SEMA3D: variants seen among roughly 807,000 people sequenced by gnomAD.
The protein encoded by SEMA3D is semaphorin 3D, also known as semaphorin-3D.
A neutral mutation model predicts 100.1 loss-of-function variants in SEMA3D; 84 were observed. The observed-to-expected ratio is 0.84, with a 90% confidence interval of 0.70 to 1.01. The LOEUF is 1.01. Among genes scored for constraint, SEMA3D ranks in the 50% least tolerant of loss-of-function variants. The pLI, the probability that SEMA3D is intolerant of heterozygous loss-of-function variation, is 0.00. For synonymous variants in SEMA3D, 312 were observed against 320.7 expected, an observed-to-expected ratio of 0.97 and a Z score of 0.29; for missense variants, 875 against 934.1, an observed-to-expected ratio of 0.94 and a Z score of 0.82.
At chr7:85,226,586 A>G in the SEMA3D span, among the ~76,000 whole-genome samples, 1 of 152,172 alleles carries the variant, frequency 6.6e-6, no homozygotes, top group African/African-American at 2.4e-5. Flanking sequence ...TACTTGTGGT[A>G]ACAACAGGAT....
In SEMA3D at chr7:85,101,472, C is replaced by G. The variant is rs543145818; in HGVS notation, c.152-3507G>C. 7.9e-5 allele frequency among the ~76,000 whole-genome samples: 12 copies of G among 152,118 alleles called. No individual in the cohort carries two copies. The South Asian group carries it at 2.1e-3, about 26-fold the overall frequency. On this transcript the variant is annotated intron_variant, in intron 3 of 18. Coordinates refer to ENST00000284136, the MANE Select transcript of SEMA3D (RefSeq NM_001384900.1). ...GGGCATTATCCTGCCTCCCAACTCA[C>G]TGGCTATGCAATCTAGAATGAGTCA... is the stretch of plus-strand genomic sequence containing the variant.
At chr7:85,135,454 A>G (rs1029401781) in intron 2 of SEMA3D, among the ~76,000 whole-genome samples, 1 of 151,892 alleles carries the variant, frequency 6.6e-6, no homozygotes, top group Admixed American at 6.6e-5. Flanking sequence ...GAACTGAACA[A>G]TGAGAACACT....
chr7:85,061,103 T>C (rs1466131784), intron 8 of SEMA3D, among the ~76,000 whole-genome samples: 2 of 152,102 alleles, frequency 1.3e-5, no homozygotes, highest in African/African-American at 2.4e-5. Flanking sequence ...TGTGGAACCA[T>C]CAAAGACTTC....
chr7:85,097,599 CTAAA>C (rs1038859527), intron 4 of SEMA3D, among the ~76,000 whole-genome samples: 55 of 151,668 alleles, frequency 3.6e-4, no homozygotes, highest in Middle Eastern at 6.8e-3. Context: ...TTTATTCACT[CTAAA>C]TAAAGAACAT....
At position 84,999,469 on chromosome 7, in the gene SEMA3D, C is replaced by T. The variant is rs770108090; in HGVS notation, c.2305G>A (p.Asp769Asn). Residue 769 changes from aspartate to asparagine, a missense_variant, in exon 19 of 19, where the codon GAT becomes AAT. Asp to Asn is a conservative substitution (Grantham distance 23). Coordinates refer to ENST00000284136, the MANE Select transcript of SEMA3D (RefSeq NM_001384900.1). ...KRNRRHHRDLDELPRAVAT is the reference protein window; with the variant it reads ...KRNRRHHRDLNELPRAVAT ...GTGGCTACAGCTCTAGGGAGCTCATCCAGGTCTCTGTGATGTCTTCGATTT... is the reference window on the plus strand; with the variant it reads ...GTGGCTACAGCTCTAGGGAGCTCATTCAGGTCTCTGTGATGTCTTCGATTT... 1 of 1,614,008 alleles carries T rather than the reference C, an allele frequency of 6.2e-7. No individual in the cohort carries two copies. The highest frequency in any genetic ancestry group is 8.5e-7 in the Non-Finnish European group (1 of 1,179,962).
intron 2 of SEMA3D, chr7:85,142,841 C>A (rs1308683001): frequency 2.0e-6 from 2 of 984,818 alleles, no homozygotes; most frequent in Non-Finnish European, 2.4e-6. Context: ...ATAAATACAA[C>A]CCATCTTATA....
chr7:85,195,611 C>T, the SEMA3D span, among the ~76,000 whole-genome samples: 1 of 152,056 alleles, frequency 6.6e-6, no homozygotes, highest in Non-Finnish European at 1.5e-5. Context: ...GGACACCTCA[C>T]CCAGCTAATT....
intron 12 of SEMA3D, among the ~76,000 whole-genome samples, chr7:85,034,082 G>A (rs1486595952): frequency 1.3e-5 from 2 of 151,954 alleles, no homozygotes; most frequent in African/African-American, 2.4e-5. Context: ...GTGACCTTGG[G>A]CAAGTTACTG....
chr7:85,172,027 T>G (rs953100340), intron 1 of SEMA3D, among the ~76,000 whole-genome samples: 1 of 151,730 alleles, frequency 6.6e-6, no homozygotes, highest in Non-Finnish European at 1.5e-5. Flanking sequence ...CATACATATA[T>G]AGACACACAT....
In SEMA3D at chr7:85,065,598, T is replaced by G. The variant is rs750400092; in HGVS notation, c.590-46A>C. The G allele has an allele frequency of 4.7e-6, 7 of 1,500,886 alleles. No homozygotes were observed. In the South Asian group the frequency reaches 8.1e-5, roughly 17 times the overall value. The allele number at this position is 1,500,886 out of a possible 1,614,324, so 93.0% of individuals were successfully genotyped here. On this transcript the variant is annotated intron_variant, in intron 7 of 18. Transcript: ENST00000284136. ...CACAGAACTTTTAAGAGTACAGCAG[T>G]AGATGCTATTTAACATGTACAAATT...
intron 16 of SEMA3D, among the ~76,000 whole-genome samples, chr7:85,013,106 T>A (rs1790003506): frequency 6.6e-6 from 1 of 151,780 alleles, no homozygotes. Flanking sequence ...TCTATTTTTT[T>A]CACAAATTAT....
At chr7:85,222,801 C>T in the SEMA3D span, among the ~76,000 whole-genome samples, 64 of 152,152 alleles carry the variant, frequency 4.2e-4, 1 homozygote, top group African/African-American at 1.4e-3. Context: ...CTCCACCATG[C>T]TATTTAGTGG....
intron 3 of SEMA3D, among the ~76,000 whole-genome samples, chr7:85,111,807 T>A (rs1789104805): frequency 6.6e-6 from 1 of 152,066 alleles, no homozygotes; most frequent in African/African-American, 2.4e-5. Flanking sequence ...ATTTTCTTCT[T>A]TCTCCCATCC....
At chr7:85,033,404 C>T (rs900506658) in intron 12 of SEMA3D, among the ~76,000 whole-genome samples, 4 of 152,084 alleles carry the variant, frequency 2.6e-5, no homozygotes, top group Non-Finnish European at 5.9e-5. Context: ...CTTTAAGCCT[C>T]GCATGACATT....
chr7:85,014,511 T>A (rs1439355567), intron 16 of SEMA3D, among the ~76,000 whole-genome samples: 1 of 151,760 alleles, frequency 6.6e-6, no homozygotes, highest in Non-Finnish European at 1.5e-5. Context: ...TAAGAGCACA[T>A]AAAGCAATGA....
intron 2 of SEMA3D, chr7:85,143,157 T>C: frequency 1.0e-6 from 1 of 982,616 alleles, no homozygotes; most frequent in Non-Finnish European, 1.2e-6. Flanking sequence ...GAAACTGATA[T>C]GACATGGTAC....
At position 85,094,487 on chromosome 7, in the gene SEMA3D, G is replaced by A. The variant is rs147020720; in HGVS notation, c.312+3318C>T. ...CAGCTGAGGCTTTTGCTGGGGCTAC[G>A]TCACAGCTCAATTCTCCCTTTGCCT... On this transcript the variant is annotated intron_variant, in intron 4 of 18. Coordinates refer to ENST00000284136, the MANE Select transcript of SEMA3D (RefSeq NM_001384900.1). Among the ~76,000 whole-genome samples the A allele has an allele frequency of 7.2e-5, 11 of 152,014 alleles. No individual in the cohort carries two copies. The East Asian group carries it at 1.9e-3, about 27-fold the overall frequency.
intron 3 of SEMA3D, among the ~76,000 whole-genome samples, chr7:85,098,316 A>T (rs1488393918): frequency 6.6e-6 from 1 of 151,852 alleles, no homozygotes. Flanking sequence ...CACAGTATTA[A>T]AATGAATAAA....
chr7:85,160,176 C>T (rs1790708521), intron 1 of SEMA3D: 1 of 342,554 alleles, frequency 2.9e-6, no homozygotes, highest in Non-Finnish European at 4.1e-6. Flanking sequence ...AAAGGTAAGG[C>T]ATTATATAAA....
Sources: gnomAD v4.1 joint callset for allele counts (sites outside exome capture counted in the v4.1 genomes callset) on GRCh38, gnomAD v4.1.1 for gene constraint, MANE v1.5 for transcripts, NCBI Gene and HGNC (gene_info 2026-07-23, HGNC 2026-07-21) for gene names.